The following CCDC30 variants were observed in gnomAD, a reference collection of about 807,000 sequenced individuals.
The protein encoded by CCDC30 is coiled-coil domain-containing protein 30.
CCDC30 carries 70 observed loss-of-function variants against 100.2 expected under a neutral mutation model. The ratio of observed to expected loss-of-function variants is 0.70; its 90% confidence interval spans 0.58 to 0.85. The LOEUF (loss-of-function observed/expected upper bound fraction) is 0.85, where lower values mean the gene tolerates loss of function less well. Ranked by LOEUF, CCDC30 falls within the 40% of genes least tolerant of loss-of-function variation. The pLI, the probability that CCDC30 is intolerant of heterozygous loss-of-function variation, is 0.00. For missense variants in CCDC30, 652 were observed against 771.2 expected, an observed-to-expected ratio of 0.85 and a Z score of 1.83; for synonymous variants, 233 against 269.5, an observed-to-expected ratio of 0.86 and a Z score of 1.33.
intron 6 of CCDC30, among the ~76,000 whole-genome samples, chr1:42,509,623 T>C (rs973589483): frequency 6.6e-6 from 1 of 152,216 alleles, no homozygotes; most frequent in African/African-American, 2.4e-5. Context: ...AGTTTGTTAC[T>C]GAACACTTTG....
At chr1:42,588,140 G>A (rs1646114260) in intron 9 of CCDC30, among the ~76,000 whole-genome samples, 1 of 152,158 alleles carries the variant, frequency 6.6e-6, no homozygotes, top group African/African-American at 2.4e-5. Context: ...CTTGCCTGAG[G>A]GTCAGTCTCC....
intron 5 of CCDC30, among the ~76,000 whole-genome samples, chr1:42,498,117 C>T (rs1295299102): frequency 6.6e-6 from 1 of 152,170 alleles, no homozygotes; most frequent in African/African-American, 2.4e-5. Context: ...AATTCATACA[C>T]ATGCTGCAAC....
At chr1:42,465,370 T>A (rs1643539891) in intron 1 of CCDC30, among the ~76,000 whole-genome samples, 1 of 151,698 alleles carries the variant, frequency 6.6e-6, no homozygotes, top group Non-Finnish European at 1.5e-5. Flanking sequence ...TTTGTTTTGT[T>A]TTGTTTTGTT....
At position 42,596,356 on chromosome 1, in the gene CCDC30, G is replaced by A. The variant is rs183972622; in HGVS notation, c.1164+6873G>A. Among the ~76,000 whole-genome samples the A allele has an allele frequency of 3.0e-4, 45 of 152,304 alleles. No individual in the cohort carries two copies. The highest frequency in any genetic ancestry group is 5.0e-4 in the Non-Finnish European group (34 of 68,022). Reference sequence around the variant, plus strand: ...AATCCCCTTTTGCTTCCAGAACGGGGAGAAAAGGGGAACATTTGAAACTTC... The same window carrying A: ...AATCCCCTTTTGCTTCCAGAACGGGAAGAAAAGGGGAACATTTGAAACTTC... On this transcript the variant is annotated intron_variant, in intron 10 of 16. Transcript: ENST00000668663. The surrounding 1 kb of genome is among the most constrained non-coding windows in gnomAD (Gnocchi z 4.3).
chr1:42,524,141 A>T (rs534985231), intron 6 of CCDC30, among the ~76,000 whole-genome samples: 2 of 148,924 alleles, frequency 1.3e-5, no homozygotes, highest in Admixed American at 6.7e-5. Flanking sequence ...CCACACCTTC[A>T]TGTTTCTTTG....
At chr1:42,611,991 C>T (rs1646635649) in intron 11 of CCDC30, among the ~76,000 whole-genome samples, 2 of 152,094 alleles carry the variant, frequency 1.3e-5, no homozygotes. Context: ...TATGGCACAC[C>T]TCTCAGTGTA....
At chr1:42,557,718 A>ATTT (rs1424618738) in intron 6 of CCDC30, among the ~76,000 whole-genome samples, 11 of 147,760 alleles carry the variant, frequency 7.4e-5, no homozygotes, top group Non-Finnish European at 9.0e-5. Flanking sequence ...AAAATATGTA[A>ATTT]ATAATAAAAT....
At chr1:42,552,683 C>G (rs6703733) in intron 6 of CCDC30, among the ~76,000 whole-genome samples, 1 of 151,872 alleles carries the variant, frequency 6.6e-6, no homozygotes, top group Admixed American at 6.6e-5. Flanking sequence ...AATTCCTTTT[C>G]TCCAGTAGCC....
intron 7 of CCDC30, among the ~76,000 whole-genome samples, chr1:42,566,939 A>G (rs1038340130): frequency 3.9e-5 from 6 of 152,208 alleles, no homozygotes; most frequent in African/African-American, 1.4e-4. Flanking sequence ...AAAATAATCT[A>G]TGTAGAACTG....
intron 4 of CCDC30, 108 bp downstream of exon 4, chr1:42,490,337 G>T (rs1644118166): frequency 4.9e-6 from 2 of 408,358 alleles, no homozygotes; most frequent in East Asian, 3.8e-5. Context: ...GTTGGAGGTT[G>T]CAGTGAGCCA....
chr1:42,517,528 G>A (rs377726299), intron 6 of CCDC30, among the ~76,000 whole-genome samples: 1 of 152,108 alleles, frequency 6.6e-6, no homozygotes, highest in Non-Finnish European at 1.5e-5. Flanking sequence ...TAAGTTTTCT[G>A]CAAAAGAATT....
intron 6 of CCDC30, among the ~76,000 whole-genome samples, chr1:42,529,030 G>A (rs1430958613): frequency 6.6e-6 from 1 of 152,166 alleles, no homozygotes; most frequent in Non-Finnish European, 1.5e-5. Context: ...ACTGAAGTTT[G>A]TGTGGATTTC....
chr1:42,512,961 T>G (rs1451720945), intron 6 of CCDC30, among the ~76,000 whole-genome samples: 1 of 152,156 alleles, frequency 6.6e-6, no homozygotes, highest in Non-Finnish European at 1.5e-5. Context: ...ATTTTTTATT[T>G]AGTTTGATTT....
intron 10 of CCDC30, chr1:42,591,741 A>C (rs1183006662): frequency 6.6e-6 from 1 of 152,322 alleles, no homozygotes; most frequent in Non-Finnish European, 1.5e-5. Context: ...CCAGAATGGT[A>C]GATCCACAGG....
chr1:42,504,924 C>T (rs1240773066), intron 6 of CCDC30, among the ~76,000 whole-genome samples: 1 of 152,130 alleles, frequency 6.6e-6, no homozygotes, highest in Non-Finnish European at 1.5e-5. Flanking sequence ...AATAAAAAGT[C>T]CTGGTGGACT....
At chr1:42,560,182 A>G (rs1438109993) in intron 6 of CCDC30, among the ~76,000 whole-genome samples, 10 of 152,182 alleles carry the variant, frequency 6.6e-5, no homozygotes, top group Non-Finnish European at 1.3e-4. Flanking sequence ...GCCCACAATA[A>G]GAAGGCTAGA....
intron 6 of CCDC30, among the ~76,000 whole-genome samples, chr1:42,540,792 A>G (rs938050235): frequency 6.6e-5 from 10 of 152,162 alleles, no homozygotes; most frequent in Admixed American, 5.9e-4. Flanking sequence ...ATCTCCTATT[A>G]CCACAGTACA....
At chr1:42,473,706 T>C (rs999737988) in intron 1 of CCDC30, 1 of 166,274 alleles carries the variant, frequency 6.0e-6, no homozygotes, top group Non-Finnish European at 1.3e-5. Flanking sequence ...ATGAGACACC[T>C]CCTTTTTAAT....
intron 6 of CCDC30, among the ~76,000 whole-genome samples, chr1:42,544,884 C>T (rs1460936575): frequency 1.3e-5 from 2 of 152,042 alleles, no homozygotes; most frequent in African/African-American, 2.4e-5. Context: ...GAAGAAAGTT[C>T]TTCTCTGTAA....
Sources: allele counts gnomAD v4.1 joint callset (sites outside exome capture counted in the v4.1 genomes callset), GRCh38; gene constraint gnomAD v4.1.1; non-coding constraint Gnocchi (gnomAD v3.1); transcripts MANE v1.5; gene names NCBI Gene and HGNC (gene_info 2026-07-23, HGNC 2026-07-21).